Variants in SAXO1 observed in about 807,000 individuals in gnomAD.
SAXO1 encodes stabilizer of axonemal microtubules 1, also known as 4930500O09Rik.
In SAXO1, 21 loss-of-function variants were observed where a neutral mutation model predicts 17.5. The observed-to-expected ratio is 1.20, with a 90% CI of 0.85 to 1.72. The LOEUF (loss-of-function observed/expected upper bound fraction) is 1.72. Ranked by LOEUF, SAXO1 falls within the 40% of genes most tolerant of loss-of-function variation. The pLI, the probability that SAXO1 is intolerant of heterozygous loss-of-function variation, is 0.00. For missense variants in SAXO1, 843 were observed against 596.0 expected, an observed-to-expected ratio of 1.41 and a Z score of -4.32; for synonymous variants, 274 against 216.5, an observed-to-expected ratio of 1.27 and a Z score of -2.33.
intron 1 of SAXO1, among the ~76,000 whole-genome samples, chr9:19,040,017 C>A (rs551251162): frequency 6.6e-6 from 1 of 152,294 alleles, no homozygotes; most frequent in South Asian, 2.1e-4. Context: ...GTGTGAGCCA[C>A]TGTACATGGC....
intron 1 of SAXO1, among the ~76,000 whole-genome samples, chr9:19,017,706 C>A (rs1835043808): frequency 6.6e-6 from 1 of 152,258 alleles, no homozygotes; most frequent in Admixed American, 6.5e-5. Flanking sequence ...AATAATATAA[C>A]CATTCCAGGA....
chr9:18,964,458 T>C (rs1217982239), intron 1 of SAXO1, among the ~76,000 whole-genome samples: 1 of 152,218 alleles, frequency 6.6e-6, no homozygotes, highest in Non-Finnish European at 1.5e-5. Flanking sequence ...GAACTTGTTA[T>C]TGGTCTATTC....
At chr9:18,964,385 T>A (rs1321256891) in intron 1 of SAXO1, among the ~76,000 whole-genome samples, 1 of 152,224 alleles carries the variant, frequency 6.6e-6, no homozygotes, top group Non-Finnish European at 1.5e-5. Flanking sequence ...AATTCAGCTG[T>A]GAATCTATCT....
intron 3 of SAXO1, among the ~76,000 whole-genome samples, chr9:18,939,730 G>A (rs778026422): frequency 2.6e-4 from 39 of 151,952 alleles, no homozygotes; most frequent in Non-Finnish European, 4.6e-4. Context: ...AAAAGGTTTG[G>A]GTTTTTATCG....
intron 1 of SAXO1, among the ~76,000 whole-genome samples, chr9:19,040,757 A>G (rs2131070020): frequency 6.6e-6 from 1 of 152,326 alleles, no homozygotes; most frequent in East Asian, 1.9e-4. Context: ...TACAGACAGA[A>G]AGCAGACCAG....
At chr9:19,002,636 C>CA (rs1158261156) in intron 1 of SAXO1, among the ~76,000 whole-genome samples, 2 of 152,182 alleles carry the variant, frequency 1.3e-5, no homozygotes, top group Non-Finnish European at 2.9e-5. Flanking sequence ...GAACCAAAGA[C>CA]AAAAACCACA....
intron 1 of SAXO1, among the ~76,000 whole-genome samples, chr9:19,000,527 C>T (rs1260466861): frequency 2.0e-5 from 3 of 150,472 alleles, no homozygotes; most frequent in Non-Finnish European, 4.4e-5. Flanking sequence ...CTCTGCACAG[C>T]TGCCCCCCTC....
At chr9:19,011,776 T>C (rs1481608456) in intron 1 of SAXO1, among the ~76,000 whole-genome samples, 1 of 152,116 alleles carries the variant, frequency 6.6e-6, no homozygotes, top group Non-Finnish European at 1.5e-5. Context: ...CAGCTCTTTC[T>C]TCCTCCCTCC....
chr9:19,037,423 ATG>A (rs938467937), upstream of SAXO1, among the ~76,000 whole-genome samples: 10 of 133,580 alleles, frequency 7.5e-5, no homozygotes, highest in Admixed American at 7.1e-4. Flanking sequence ...TAATTCCCAC[ATG>A]TTGTGGGAGG....
upstream of SAXO1, among the ~76,000 whole-genome samples, chr9:19,035,579 A>G (rs983923554): frequency 5.3e-5 from 8 of 152,222 alleles, no homozygotes; most frequent in Non-Finnish European, 8.8e-5. Context: ...AGAGGTTGGA[A>G]CAGTTTGGAG....
At chr9:18,952,329 G>A (rs1832067858) in intron 1 of SAXO1, among the ~76,000 whole-genome samples, 2 of 152,162 alleles carry the variant, frequency 1.3e-5, no homozygotes, top group Non-Finnish European at 2.9e-5. Context: ...GCAATACTTT[G>A]GGGAAGTACA....
intron 3 of SAXO1, among the ~76,000 whole-genome samples, chr9:18,940,519 C>T (rs1831507905): frequency 6.6e-6 from 1 of 152,316 alleles, no homozygotes; most frequent in East Asian, 1.9e-4. Context: ...GAGCTCACAT[C>T]CCTCCAACCT....
In SAXO1 at chr9:19,006,109, A is replaced by T. The variant is rs569627272; in HGVS notation, c.38+26762T>A. Among the ~76,000 whole-genome samples, 8 of 151,454 alleles carry T rather than the reference A, an allele frequency of 5.3e-5. No homozygotes were observed. The South Asian group carries it at 1.8e-3, about 34-fold the overall frequency. ...CAACCATTTGGATGGTTATTATTTTAAAAAAGAAAGAGAAATGTTGGCAAG... is the reference window on the plus strand; with the variant it reads ...CAACCATTTGGATGGTTATTATTTTTAAAAAGAAAGAGAAATGTTGGCAAG... On this transcript the variant is annotated intron_variant, in intron 1 of 3. Transcript: ENST00000380534.
intron 3 of SAXO1, among the ~76,000 whole-genome samples, chr9:18,932,808 G>C (rs923327279): frequency 1.3e-5 from 2 of 152,088 alleles, no homozygotes; most frequent in Non-Finnish European, 1.5e-5. Context: ...AAAGAGAACA[G>C]TTTTCTTGAC....
chr9:18,941,926 G>A (rs1831582133), intron 2 of SAXO1, 87 bp from the exon 3 acceptor site: 1 of 1,286,802 alleles, frequency 7.8e-7, no homozygotes, highest in Middle Eastern at 2.2e-4. Flanking sequence ...ACAAACATTT[G>A]CTGAGAAGTC....
intron 1 of SAXO1, chr9:19,027,743 C>T (rs1052914607): frequency 2.0e-5 from 30 of 1,468,268 alleles, no homozygotes; most frequent in South Asian, 7.1e-5. Context: ...GTCCGGGGAC[C>T]GAGAGGTGCA....
At chr9:19,012,002 T>TGC (rs1834759209) in intron 1 of SAXO1, among the ~76,000 whole-genome samples, 1 of 151,436 alleles carries the variant, frequency 6.6e-6, no homozygotes, top group Non-Finnish European at 1.5e-5. Context: ...CAGGTCACCA[T>TGC]GCCCGGCCAA....
At chr9:18,981,256 C>G (rs775039077) in intron 1 of SAXO1, among the ~76,000 whole-genome samples, 1 of 152,198 alleles carries the variant, frequency 6.6e-6, no homozygotes, top group Non-Finnish European at 1.5e-5. Flanking sequence ...TACCCACCCC[C>G]ACTCTTAGTT....
intron 1 of SAXO1, among the ~76,000 whole-genome samples, chr9:18,995,826 T>C (rs1833977709): frequency 6.6e-6 from 1 of 152,216 alleles, no homozygotes; most frequent in African/African-American, 2.4e-5. Flanking sequence ...TTGCCTGTAA[T>C]CCCAGCATTT....
Sources: gnomAD v4.1 joint callset for allele counts (sites outside exome capture counted in the v4.1 genomes callset) on GRCh38, gnomAD v4.1.1 for gene constraint, MANE v1.5 for transcripts, NCBI Gene and HGNC (gene_info 2026-07-23, HGNC 2026-07-21) for gene names.